Variants in PRKCA observed in about 807,000 individuals in gnomAD.
PRKCA encodes the protein protein kinase C alpha.
Under a neutral mutation model 87.0 loss-of-function variants are expected in PRKCA, and 27 were observed. The observed-to-expected ratio is 0.31, with a 90% CI of 0.23 to 0.43. PRKCA has a LOEUF of 0.43. PRKCA is among the 20% of genes least tolerant of loss of function. PRKCA has a pLI of 1.00. For synonymous variants in PRKCA, 329 were observed against 311.1 expected (o/e 1.06, Z -0.61); for missense variants, 518 against 852.3 (o/e 0.61, Z 4.88).
At chr17:66,498,596 G>T (rs1916586244) in intron 3 of PRKCA, among the ~76,000 whole-genome samples, 2 of 152,164 alleles carry the variant, frequency 1.3e-5, no homozygotes, top group South Asian at 4.1e-4. Context: ...TATGCTCCTT[G>T]CCTTCCTGGA....
intron 3 of PRKCA, among the ~76,000 whole-genome samples, chr17:66,567,425 T>C (rs1229211166): frequency 6.6e-6 from 1 of 151,898 alleles, no homozygotes; most frequent in East Asian, 1.9e-4. Context: ...GCCGTGGCTG[T>C]TAATGAAGCA....
chr17:66,478,229 G>A (rs1213214947), intron 2 of PRKCA, among the ~76,000 whole-genome samples: 1 of 152,096 alleles, frequency 6.6e-6, no homozygotes, highest in African/African-American at 2.4e-5. Context: ...CTCTAGCTCC[G>A]TGAATCTGCT....
chr17:66,746,875 C>A (rs1363175157), intron 13 of PRKCA, among the ~76,000 whole-genome samples: 1 of 152,070 alleles, frequency 6.6e-6, no homozygotes, highest in Non-Finnish European at 1.5e-5. Flanking sequence ...CTTAGTTATT[C>A]TGGGCGTGTG....
At chr17:66,755,033 A>T (rs1010796109) in intron 13 of PRKCA, among the ~76,000 whole-genome samples, 2 of 150,196 alleles carry the variant, frequency 1.3e-5, no homozygotes, top group Admixed American at 6.7e-5. Context: ...CAATTAGATA[A>T]TGTTTTTCTA....
chr17:66,403,475 A>G (rs2143698667), intron 2 of PRKCA, among the ~76,000 whole-genome samples: 1 of 152,356 alleles, frequency 6.6e-6, no homozygotes, highest in East Asian at 1.9e-4. Context: ...AGGTGTTAGC[A>G]TGATTATTTA....
chr17:66,769,217 G>A (rs574000645), intron 13 of PRKCA, among the ~76,000 whole-genome samples: 2 of 152,182 alleles, frequency 1.3e-5, no homozygotes, highest in African/African-American at 4.8e-5. Context: ...AATTATCTGG[G>A]TGTGGTGGTG....
At chr17:66,801,226 A>G (rs1367216545) in intron 16 of PRKCA, among the ~76,000 whole-genome samples, 2 of 152,140 alleles carry the variant, frequency 1.3e-5, no homozygotes, top group African/African-American at 4.8e-5. Context: ...GTCTTGTTAT[A>G]TCCCTGAGTT....
At position 66,486,000 on chromosome 17, in the gene PRKCA, T is replaced by C. The variant is rs192184555; in HGVS notation, c.206-10201T>C. 1.9e-4 allele frequency among the ~76,000 whole-genome samples: 29 copies of C among 152,302 alleles called. No individual in the cohort carries two copies. The East Asian group carries it at 4.8e-3, about 25-fold the overall frequency. On this transcript the variant is annotated intron_variant, in intron 2 of 16. Transcript: ENST00000413366. Reference sequence around the variant, plus strand: ...GGAAACCTGACATGCACACTGGGTTTTGGATGTTCAGACATGAAGCTTGTA... The same window carrying C: ...GGAAACCTGACATGCACACTGGGTTCTGGATGTTCAGACATGAAGCTTGTA...
intron 2 of PRKCA, among the ~76,000 whole-genome samples, chr17:66,341,499 A>C (rs1907043002): frequency 6.6e-6 from 1 of 152,200 alleles, no homozygotes; most frequent in Non-Finnish European, 1.5e-5. Flanking sequence ...CATCGTAGGG[A>C]GCTGTGCCTT....
At chr17:66,775,663 C>A (rs1188282521) in intron 14 of PRKCA, 22 of 985,350 alleles carry the variant, frequency 2.2e-5, no homozygotes, top group Non-Finnish European at 2.5e-5. Context: ...TGCTGTGCGA[C>A]AGAGCCACCC....
chr17:66,797,483 A>G (rs943290216), intron 16 of PRKCA, among the ~76,000 whole-genome samples: 1 of 152,204 alleles, frequency 6.6e-6, no homozygotes, highest in African/African-American at 2.4e-5. Flanking sequence ...GATCGATCAC[A>G]TGCCTTTTAC....
At chr17:66,575,673 C>T (rs547803256) in intron 3 of PRKCA, among the ~76,000 whole-genome samples, 1 of 152,324 alleles carries the variant, frequency 6.6e-6, no homozygotes, top group East Asian at 1.9e-4. Context: ...CAAAACCACA[C>T]ATACAGGGAT....
chr17:66,443,051 A>T (rs1567831497), intron 2 of PRKCA, among the ~76,000 whole-genome samples: 1 of 152,068 alleles, frequency 6.6e-6, no homozygotes, highest in Non-Finnish European at 1.5e-5. Context: ...ATCATATCTC[A>T]TTTGATCTCT....
At position 66,674,383 on chromosome 17, in the gene PRKCA, T is replaced by C. The variant is rs867808566; in HGVS notation, c.530-12728T>C. Among the ~76,000 whole-genome samples, 8 of 152,338 alleles carry C rather than the reference T, an allele frequency of 5.3e-5. No homozygotes were observed. The South Asian group carries it at 1.7e-3, about 32-fold the overall frequency. On this transcript the variant is annotated intron_variant, in intron 5 of 16. Coordinates refer to ENST00000413366, the MANE Select transcript of PRKCA (RefSeq NM_002737.3). The stretch of plus-strand genomic sequence containing the variant: ...AGAGATACACGTGTTCAGCAGTTAC[T>C]CAGTTCACGCATGGTGCTGTGCTGG...
At chr17:66,382,215 A>G (rs936695000) in intron 2 of PRKCA, among the ~76,000 whole-genome samples, 2 of 152,084 alleles carry the variant, frequency 1.3e-5, no homozygotes, top group African/African-American at 4.8e-5. Context: ...CAGACCTGCT[A>G]GTCTTGTGAT....
chr17:66,315,191 C>T (rs1310357931), intron 2 of PRKCA, among the ~76,000 whole-genome samples: 3 of 152,140 alleles, frequency 2.0e-5, no homozygotes, highest in African/African-American at 7.2e-5. Context: ...TCACTTTTAA[C>T]TCACTTGATC....
chr17:66,524,526 T>C (rs1967277535), intron 3 of PRKCA, among the ~76,000 whole-genome samples: 2 of 152,214 alleles, frequency 1.3e-5, no homozygotes, highest in Admixed American at 6.5e-5. Flanking sequence ...TAGTACTATC[T>C]TAGATGTGAG....
intron 2 of PRKCA, among the ~76,000 whole-genome samples, chr17:66,395,047 A>G (rs1910584410): frequency 6.6e-6 from 1 of 152,184 alleles, no homozygotes; most frequent in Non-Finnish European, 1.5e-5. Context: ...TTTTAAATTG[A>G]ATATTGTAAC....
chr17:66,516,338 A>T (rs112515188), intron 3 of PRKCA, among the ~76,000 whole-genome samples: 3,484 of 152,220 alleles, frequency 0.023, 127 homozygotes, highest in African/African-American at 0.079. Flanking sequence ...GTTCAGTGTG[A>T]AAAAAAGAAT....
Sources: allele counts gnomAD v4.1 joint callset (sites outside exome capture counted in the v4.1 genomes callset), GRCh38; gene constraint gnomAD v4.1.1; transcripts MANE v1.5; gene names NCBI Gene and HGNC (gene_info 2026-07-23, HGNC 2026-07-21).